STPG4: variants seen among roughly 807,000 people sequenced by gnomAD.
The protein encoded by STPG4 is sperm-tail PG-rich repeat containing 4.
A neutral mutation model predicts 31.5 loss-of-function variants in STPG4; 41 were observed. That is an observed-to-expected ratio of 1.30 (90% confidence interval 1.01 to 1.69). STPG4 has a LOEUF of 1.69. Ranked by LOEUF, STPG4 falls within the 40% of genes most tolerant of loss-of-function variation. The pLI is 0.00. For synonymous variants in STPG4, 141 were observed against 103.0 expected, an observed-to-expected ratio of 1.37 and a Z score of -2.24; for missense variants, 375 against 293.4, an observed-to-expected ratio of 1.28 and a Z score of -2.03.
chr2:47,138,065 C>T (rs1686632460), intron 3 of STPG4, among the ~76,000 whole-genome samples: 1 of 152,094 alleles, frequency 6.6e-6, no homozygotes, highest in Admixed American at 6.5e-5. Flanking sequence ...TGCAGACTTA[C>T]ATGATTAATT....
chr2:47,089,018 G>A (rs1685515776), intron 6 of STPG4, among the ~76,000 whole-genome samples: 1 of 152,246 alleles, frequency 6.6e-6, no homozygotes, highest in South Asian at 2.1e-4. Context: ...TGATTTCACT[G>A]CCACCAACAA....
At chr2:47,088,516 C>T (rs139442210) in intron 6 of STPG4, among the ~76,000 whole-genome samples, 1 of 152,346 alleles carries the variant, frequency 6.6e-6, no homozygotes, top group East Asian at 1.9e-4. Flanking sequence ...ATACCTTACC[C>T]ATCAAACGGG....
chr2:47,125,724 A>ATT (rs59579520), intron 5 of STPG4, among the ~76,000 whole-genome samples: 27,793 of 149,128 alleles, frequency 0.19, 3,119 homozygotes, highest in African/African-American at 0.31. Context: ...CTTAGATTTA[A>ATT]TTTTTTTTTT....
intron 5 of STPG4, among the ~76,000 whole-genome samples, chr2:47,111,202 C>G (rs1686029853): frequency 6.6e-6 from 1 of 152,086 alleles, no homozygotes; most frequent in African/African-American, 2.4e-5. Flanking sequence ...GTCTCAATGC[C>G]AAGTAGATGT....
Position 47,087,029 on chromosome 2 carries a change from GT to G in STPG4, c.725del (p.Asn242ThrfsTer6). ...CACTTTATTTTAAAAGCCAATTGTT[GT>G]TGTTGAAGAAAAGGCTATGCTCTTG... ...MGQEHSLFFN[N>X]NNWLLK On this transcript the variant is annotated frameshift_variant, in exon 7 of 7. Transcript: ENST00000445927. LOFTEE classifies it high-confidence loss of function. The G allele has an allele frequency of 6.4e-7, 1 of 1,551,752 alleles. No individual in the cohort carries two copies. The highest frequency in any genetic ancestry group is 8.7e-7 in the Non-Finnish European group (1 of 1,146,996).
At chr2:47,129,829 A>C (rs1327815006) in intron 5 of STPG4, 112 bp downstream of exon 5, 1 of 1,330,282 alleles carries the variant, frequency 7.5e-7, no homozygotes, top group African/African-American at 1.5e-5. Flanking sequence ...TGTTCCTGCT[A>C]GGGGGAACGA....
At chr2:47,118,007 C>A (rs979350518) in intron 5 of STPG4, among the ~76,000 whole-genome samples, 9 of 152,030 alleles carry the variant, frequency 5.9e-5, no homozygotes, top group African/African-American at 2.2e-4. Context: ...GGGGTCCTCC[C>A]ACCTTGGCCT....
chr2:47,096,979 A>G (rs1294723563), intron 5 of STPG4, among the ~76,000 whole-genome samples: 1 of 152,082 alleles, frequency 6.6e-6, no homozygotes. Flanking sequence ...GGGAGAGGCA[A>G]GTGATATGAG....
intron 6 of STPG4, among the ~76,000 whole-genome samples, chr2:47,087,482 C>T (rs1685480145): frequency 6.6e-6 from 1 of 152,206 alleles, no homozygotes; most frequent in Non-Finnish European, 1.5e-5. Context: ...CCGAGGAATG[C>T]CATCATCTTT....
At position 47,087,143 on chromosome 2, in the gene STPG4, C is replaced by A; in HGVS notation, c.625-13G>T. 1.3e-6 allele frequency: 2 copies of A among 1,551,418 alleles called. No individual in the cohort carries two copies. Among genetic ancestry groups the A allele is most frequent in the Non-Finnish European group, 1.7e-6 (2 of 1,146,870 alleles). ...GGCCTGGGGTTTTCTGAAAACAGAG[C>A]AGAAAACAGGGACTGATGAGACAGT... is the stretch of plus-strand genomic sequence containing the variant. On this transcript the variant is annotated splice_polypyrimidine_tract_variant and intron_variant, in intron 6 of 6. Coordinates refer to ENST00000445927, the MANE Select transcript of STPG4 (RefSeq NM_001163561.2).
intron 5 of STPG4, among the ~76,000 whole-genome samples, chr2:47,126,568 C>T (rs1423171144): frequency 1.3e-5 from 2 of 152,122 alleles, no homozygotes; most frequent in African/African-American, 4.8e-5. Flanking sequence ...CTCAAGCAAT[C>T]CTCCTGCCTC....
chr2:47,119,595 G>C (rs1686225755), intron 5 of STPG4, among the ~76,000 whole-genome samples: 1 of 152,164 alleles, frequency 6.6e-6, no homozygotes, highest in African/African-American at 2.4e-5. Context: ...GAAAAAACTT[G>C]GTGTCCTAAC....
At chr2:47,088,105 G>A (rs1327598649) in intron 6 of STPG4, among the ~76,000 whole-genome samples, 2 of 151,260 alleles carry the variant, frequency 1.3e-5, no homozygotes, top group Non-Finnish European at 2.9e-5. Context: ...TTTGAGATAC[G>A]GTCTCACTCT....
At chr2:47,126,556 G>C (rs964154508) in intron 5 of STPG4, among the ~76,000 whole-genome samples, 2 of 152,100 alleles carry the variant, frequency 1.3e-5, no homozygotes, top group African/African-American at 2.4e-5. Context: ...TGAACTGCTG[G>C]ACTCAAGCAA....
chr2:47,097,090 C>G (rs961046016), intron 5 of STPG4, among the ~76,000 whole-genome samples: 1 of 152,064 alleles, frequency 6.6e-6, no homozygotes, highest in African/African-American at 2.4e-5. Flanking sequence ...ACGGAGCAAG[C>G]AGGTAGAGAC....
At chr2:47,119,795 C>G (rs1686230473) in intron 5 of STPG4, among the ~76,000 whole-genome samples, 1 of 152,158 alleles carries the variant, frequency 6.6e-6, no homozygotes, top group African/African-American at 2.4e-5. Context: ...GCAAGGAGGG[C>G]CAGACAGCTA....
At chr2:47,107,610 G>A (rs533969557) in intron 5 of STPG4, among the ~76,000 whole-genome samples, 17 of 152,192 alleles carry the variant, frequency 1.1e-4, no homozygotes, top group South Asian at 1.0e-3. Flanking sequence ...GATGAGTGCC[G>A]CCCCCTGCTC....
chr2:47,097,946 C>A (rs1685707483), intron 5 of STPG4, among the ~76,000 whole-genome samples: 1 of 143,242 alleles, frequency 7.0e-6, no homozygotes, highest in Non-Finnish European at 1.5e-5. Flanking sequence ...GGTGAAACCC[C>A]ATCTCTTAAA....
intron 2 of STPG4, 66 bp downstream of exon 2, chr2:47,152,891 A>G: frequency 8.4e-7 from 1 of 1,188,300 alleles, no homozygotes; most frequent in South Asian, 1.5e-5. Context: ...CTTAAAAGCT[A>G]TAATTGATTA....
Sources: allele counts gnomAD v4.1 joint callset (sites outside exome capture counted in the v4.1 genomes callset), GRCh38; gene constraint gnomAD v4.1.1; transcripts MANE v1.5; gene names NCBI Gene and HGNC (gene_info 2026-07-23, HGNC 2026-07-21).